STX12: variants seen among roughly 807,000 people sequenced by gnomAD.
STX12 encodes the protein syntaxin-12.
In STX12, 17 loss-of-function variants were observed where a neutral mutation model predicts 42.2. That is an observed-to-expected ratio of 0.40 (90% CI 0.28 to 0.60). The LOEUF (loss-of-function observed/expected upper bound fraction) is 0.60. Among genes scored for constraint, STX12 ranks in the 20% least tolerant of loss-of-function variants. STX12 has a pLI of 0.39. For synonymous variants in STX12, 108 were observed against 116.7 expected, an observed-to-expected ratio of 0.93 and a Z score of 0.48; for missense variants, 297 against 330.9, an observed-to-expected ratio of 0.90 and a Z score of 0.79.
At chr1:27,811,871 C>T in intron 5 of STX12, 2 of 453,662 alleles carry the variant, frequency 4.4e-6, no homozygotes, top group Non-Finnish European at 8.6e-6. Context: ...TCTGGCAAGC[C>T]CCAGTGAGAT....
At chr1:27,791,321 C>T (rs547668377) in intron 2 of STX12, among the ~76,000 whole-genome samples, 31 of 135,276 alleles carry the variant, frequency 2.3e-4, no homozygotes, top group Admixed American at 1.0e-3. Context: ...GCAAATGTTA[C>T]ACAATTTTAT....
At chr1:27,779,583 C>T (rs548753812) in intron 1 of STX12, among the ~76,000 whole-genome samples, 2 of 151,940 alleles carry the variant, frequency 1.3e-5, no homozygotes, top group Admixed American at 6.6e-5. Flanking sequence ...CCACCTGCCT[C>T]GGCCTCCGAA....
chr1:27,797,078 G>T (rs1186570154), intron 3 of STX12, among the ~76,000 whole-genome samples: 1 of 151,318 alleles, frequency 6.6e-6, no homozygotes, highest in African/African-American at 2.4e-5. Context: ...GTGCAGTGGC[G>T]TGATCTGCAC....
intron 5 of STX12, among the ~76,000 whole-genome samples, chr1:27,811,048 G>T (rs561921133): frequency 1.3e-5 from 2 of 152,016 alleles, no homozygotes; most frequent in Non-Finnish European, 2.9e-5. Context: ...GTTGGGGCAT[G>T]GTGGCTCAAG....
intron 4 of STX12, among the ~76,000 whole-genome samples, chr1:27,802,804 A>G (rs753428521): frequency 6.6e-6 from 1 of 152,250 alleles, no homozygotes; most frequent in African/African-American, 2.4e-5. Flanking sequence ...ACAACAATGA[A>G]GTGAAATATA....
chr1:27,791,129 C>T (rs530473592), intron 2 of STX12, among the ~76,000 whole-genome samples: 2 of 151,812 alleles, frequency 1.3e-5, no homozygotes, highest in African/African-American at 2.4e-5. Flanking sequence ...GGCATGGTGG[C>T]GCGTGCCTGT....
At chr1:27,780,504 C>T (rs1371343984) in intron 1 of STX12, among the ~76,000 whole-genome samples, 1 of 152,114 alleles carries the variant, frequency 6.6e-6, no homozygotes, top group Non-Finnish European at 1.5e-5. Context: ...CCTTCCTTTG[C>T]TTTTGAAAGA....
chr1:27,816,700 C>T (rs902166482), intron 6 of STX12, among the ~76,000 whole-genome samples: 1 of 149,894 alleles, frequency 6.7e-6, no homozygotes, highest in East Asian at 2.1e-4. Context: ...CAGTGGATCA[C>T]GATGTCAGGA....
rs1015771296 is a variant in STX12 at position 27,782,443 on chromosome 1, T to C, written c.119-7119T>C. Among the ~76,000 whole-genome samples, 3 of 152,184 alleles carry C rather than the reference T, an allele frequency of 2.0e-5. No homozygotes were observed. In the East Asian group the frequency reaches 5.8e-4, roughly 29 times the overall value. Reference sequence around the variant, plus strand: ...GAGCTATGCTCTTAACCATTGCATATTCTGAAACTGGTATGGTTAAAGGAA... The same window carrying C: ...GAGCTATGCTCTTAACCATTGCATACTCTGAAACTGGTATGGTTAAAGGAA... On this transcript the variant is annotated intron_variant, in intron 1 of 8. Coordinates refer to ENST00000373943, the MANE Select transcript of STX12 (RefSeq NM_177424.3).
chr1:27,792,029 A>T (rs1024185529), intron 2 of STX12, among the ~76,000 whole-genome samples: 11 of 144,632 alleles, frequency 7.6e-5, no homozygotes, highest in South Asian at 2.1e-4. Context: ...AATATATATA[A>T]AATATAAATA....
intron 7 of STX12, 27 bp from the exon 8 acceptor site, chr1:27,819,623 A>G (rs2088970987): frequency 6.2e-7 from 1 of 1,608,220 alleles, no homozygotes; most frequent in Non-Finnish European, 8.5e-7. Flanking sequence ...GAGTGTGTTA[A>G]AACATCCTCT....
chr1:27,779,115 G>A (rs961146759), intron 1 of STX12, among the ~76,000 whole-genome samples: 1 of 152,016 alleles, frequency 6.6e-6, no homozygotes. Context: ...TATTTTTTAT[G>A]TTTCTTTGCT....
chr1:27,799,824 C>T (rs1209428245), intron 3 of STX12, among the ~76,000 whole-genome samples: 1 of 152,186 alleles, frequency 6.6e-6, no homozygotes, highest in African/African-American at 2.4e-5. Context: ...ACGATCTCAG[C>T]TCACTGCAAC....
chr1:27,824,250 T>G lies in STX12; in HGVS notation c.*1921T>G. ...TTGTAGGAAAGAAAAAAGTCTTGGT[T>G]GTGAAAAACGATTTGCATTTGGGTA... On this transcript the variant is annotated 3_prime_UTR_variant, in exon 9 of 9. Transcript: ENST00000373943. The G allele has an allele frequency of 6.6e-6, 1 of 152,200 alleles. No homozygotes were observed. Among genetic ancestry groups the G allele is most frequent in the East Asian group, 1.9e-4 (1 of 5,202 alleles). The allele number at this position is 152,200 out of a possible 1,614,324, so 9.4% of individuals were successfully genotyped here.
At chr1:27,792,684 C>T (rs2088757536) in intron 2 of STX12, among the ~76,000 whole-genome samples, 1 of 152,086 alleles carries the variant, frequency 6.6e-6, no homozygotes, top group South Asian at 2.1e-4. Context: ...CTCCAAAGGA[C>T]CCCATCTCCT....
intron 2 of STX12, 59 bp downstream of exon 2, chr1:27,789,690 T>TCAAA: frequency 7.6e-7 from 1 of 1,321,340 alleles, no homozygotes; most frequent in African/African-American, 1.5e-5. Flanking sequence ...CACAGTGTCC[T>TCAAA]TGCCAGACAG....
chr1:27,822,138 C>A, intron 8 of STX12, 93 bp from the exon 9 acceptor site: 1 of 794,298 alleles, frequency 1.3e-6, no homozygotes, highest in Non-Finnish European at 2.2e-6. Context: ...TCTTTAATTA[C>A]AAGGAGGCAG....
At chr1:27,801,641 T>C (rs2088829016) in intron 3 of STX12, 37 bp from the exon 4 acceptor site, 1 of 1,470,982 alleles carries the variant, frequency 6.8e-7, no homozygotes, top group Non-Finnish European at 9.0e-7. Context: ...GATTCTGGGT[T>C]AATATGAAAT....
intron 7 of STX12, among the ~76,000 whole-genome samples, chr1:27,818,333 A>G (rs2088957352): frequency 1.3e-5 from 2 of 151,690 alleles, no homozygotes; most frequent in African/African-American, 4.9e-5. Flanking sequence ...GTGAGCCGAG[A>G]TTGCGCCACT....
Sources: allele counts gnomAD v4.1 joint callset (sites outside exome capture counted in the v4.1 genomes callset), GRCh38; gene constraint gnomAD v4.1.1; transcripts MANE v1.5; gene names NCBI Gene and HGNC (gene_info 2026-07-23, HGNC 2026-07-21).